Variants in PTPRZ1 observed in about 807,000 individuals in gnomAD.
PTPRZ1 encodes protein tyrosine phosphatase receptor type Z1, also known as receptor-type tyrosine-protein phosphatase zeta.
A neutral mutation model predicts 214.1 loss-of-function variants in PTPRZ1; 82 were observed. That is an observed-to-expected ratio of 0.38 (90% CI 0.32 to 0.46). The LOEUF (loss-of-function observed/expected upper bound fraction) is 0.46. PTPRZ1 is among the 20% of genes least tolerant of loss of function. The probability of loss-of-function intolerance (pLI) is 1.00; values close to 1 mark genes in which losing one functional copy is unlikely to be tolerated. For synonymous variants in PTPRZ1, 945 were observed against 987.9 expected (o/e 0.96, Z 0.81); for missense variants, 2,603 against 2,748.7 (o/e 0.95, Z 1.19).
chr7:122,027,126 A>C (rs1273513988), intron 13 of PTPRZ1, among the ~76,000 whole-genome samples: 1 of 152,226 alleles, frequency 6.6e-6, no homozygotes, highest in Non-Finnish European at 1.5e-5. Flanking sequence ...CTTAGCTGTC[A>C]TGATCAGGGG....
At chr7:121,969,915 T>C (rs921261321) in intron 3 of PTPRZ1, among the ~76,000 whole-genome samples, 1 of 151,170 alleles carries the variant, frequency 6.6e-6, no homozygotes, top group African/African-American at 2.4e-5. Context: ...ACTTGTCATT[T>C]ACATTAGGCA....
chr7:121,955,935 T>C (rs893953881), intron 2 of PTPRZ1, among the ~76,000 whole-genome samples: 1 of 152,198 alleles, frequency 6.6e-6, no homozygotes, highest in African/African-American at 2.4e-5. Context: ...ACTATCACTC[T>C]ATCATCTTAT....
rs1210827097 is a variant in PTPRZ1, at chr7:121,988,512, A to G, written c.928+4395A>G. Reference sequence around the variant, plus strand: ...TTCTGATTCCTCTTTCTTCTGAACCATCATAATCCCTGACCTGCAGCTGTG... The same window carrying G: ...TTCTGATTCCTCTTTCTTCTGAACCGTCATAATCCCTGACCTGCAGCTGTG... On this transcript the variant is annotated intron_variant, in intron 8 of 29. Transcript: ENST00000393386. Among the ~76,000 whole-genome samples, 7 of 152,172 alleles carry G rather than the reference A, an allele frequency of 4.6e-5. No homozygotes were observed. The South Asian group carries it at 1.2e-3, about 27-fold the overall frequency.
At chr7:121,993,923 T>C (rs986113760) in intron 8 of PTPRZ1, among the ~76,000 whole-genome samples, 8 of 152,168 alleles carry the variant, frequency 5.3e-5, no homozygotes. Flanking sequence ...AGCATACAAC[T>C]ATATTGTTGA....
At chr7:121,957,753 T>G (rs1796751757) in intron 2 of PTPRZ1, among the ~76,000 whole-genome samples, 1 of 152,224 alleles carries the variant, frequency 6.6e-6, no homozygotes. Context: ...GTGCTGAGAC[T>G]GAGCTCATGT....
chr7:121,885,156 T>C (rs1245264110), intron 1 of PTPRZ1, among the ~76,000 whole-genome samples: 1 of 152,204 alleles, frequency 6.6e-6, no homozygotes. Context: ...GGAAAAGATA[T>C]AAGCAAAATG....
In PTPRZ1 at chr7:122,011,249, C is replaced by A. The variant is rs1159356559; in HGVS notation, c.2203C>A (p.Gln735Lys). 5 of 1,613,906 alleles carry A rather than the reference C, an allele frequency of 3.1e-6. No homozygotes were observed. The African/African-American group carries it at 6.7e-5, about 22-fold the overall frequency. The change falls in exon 12 of 30, where the codon CAG (glutamine) becomes AAG (lysine). Residue 735 changes from glutamine (Q) to lysine (K), a missense_variant. Physicochemically the swap from Gln to Lys is moderately conservative, Grantham distance 53 (BLOSUM62 1). Coordinates refer to ENST00000393386, the MANE Select transcript of PTPRZ1 (RefSeq NM_002851.3). ...TGCTTTTACCCCATCCTCCAGACAA[C>A]AGGATTTGGTCTCCACGGTCAACGT... is the stretch of plus-strand genomic sequence containing the variant. ...PHAFTPSSRQ[Q>K]DLVSTVNVVY...
intron 2 of PTPRZ1, among the ~76,000 whole-genome samples, chr7:121,946,414 A>T (rs1489886417): frequency 6.6e-6 from 1 of 152,118 alleles, no homozygotes; most frequent in Admixed American, 6.5e-5. Flanking sequence ...AATGTAAAAA[A>T]CTGGTTTACT....
intron 18 of PTPRZ1, among the ~76,000 whole-genome samples, 175 bp downstream of exon 18, chr7:122,036,857 A>G (rs963130327): frequency 8.5e-5 from 13 of 152,244 alleles, no homozygotes; most frequent in African/African-American, 2.9e-4. Context: ...AAAAATTTTC[A>G]TATTAAATGA....
intron 2 of PTPRZ1, among the ~76,000 whole-genome samples, chr7:121,954,968 G>A (rs1796660292): frequency 6.6e-6 from 1 of 152,214 alleles, no homozygotes; most frequent in Non-Finnish European, 1.5e-5. Context: ...ATACAGAAAG[G>A]AGGAACCGAT....
chr7:121,889,721 T>C (rs1282615185), intron 1 of PTPRZ1, among the ~76,000 whole-genome samples: 2 of 152,064 alleles, frequency 1.3e-5, no homozygotes, highest in Non-Finnish European at 2.9e-5. Flanking sequence ...GCTCCTGAAC[T>C]CAGTTTAAAA....
At chr7:121,970,066 C>T (rs1797189214) in intron 3 of PTPRZ1, among the ~76,000 whole-genome samples, 1 of 150,728 alleles carries the variant, frequency 6.6e-6, no homozygotes, top group Non-Finnish European at 1.5e-5. Flanking sequence ...GTTTTTTGTC[C>T]TTGCGATAGT....
At chr7:121,969,865 A>G (rs187162296) in intron 3 of PTPRZ1, among the ~76,000 whole-genome samples, 17 of 151,686 alleles carry the variant, frequency 1.1e-4, no homozygotes, top group Admixed American at 1.1e-3. Context: ...GGTTTGTTAC[A>G]TATGTATACA....
chr7:122,009,219 G>T lies in PTPRZ1; in HGVS notation c.1288-1115G>T, dbSNP rs180792003. 4.2e-4 allele frequency among the ~76,000 whole-genome samples: 64 copies of T among 152,000 alleles called. 1 individual carries two copies. The highest frequency in any genetic ancestry group is 8.4e-4 in the Non-Finnish European group (57 of 67,988). ...AATAATGAGGCAGCCATTAAGCTTG[G>T]AATCGTGTGTTTCATACAGTGCAGA... On this transcript the variant is annotated intron_variant, in intron 11 of 29. Transcript: ENST00000393386.
intron 1 of PTPRZ1, among the ~76,000 whole-genome samples, chr7:121,919,485 A>T (rs1013709819): frequency 2.6e-5 from 4 of 152,070 alleles, no homozygotes; most frequent in Non-Finnish European, 5.9e-5. Context: ...ACAAGTTTTA[A>T]ATGCTATATA....
At chr7:122,039,628 G>A (rs1799654550) in intron 20 of PTPRZ1, 40 bp downstream of exon 20, 1 of 1,601,364 alleles carries the variant, frequency 6.2e-7, no homozygotes, top group African/African-American at 1.3e-5. Context: ...AGTGAACAAT[G>A]CATTTGGTCA....
At chr7:122,050,991 T>C (rs1226938667) in intron 23 of PTPRZ1, among the ~76,000 whole-genome samples, 1 of 151,916 alleles carries the variant, frequency 6.6e-6, no homozygotes, top group Non-Finnish European at 1.5e-5. Context: ...AGCTGAGGAG[T>C]AGATAAACAG....
chr7:121,879,672 G>C (rs1466709546), intron 1 of PTPRZ1, among the ~76,000 whole-genome samples: 1 of 152,144 alleles, frequency 6.6e-6, no homozygotes, highest in Non-Finnish European at 1.5e-5. Context: ...TGGGACATGG[G>C]ATCAGTTAAA....
At chr7:121,953,267 T>G (rs1352135221) in intron 2 of PTPRZ1, among the ~76,000 whole-genome samples, 1 of 152,334 alleles carries the variant, frequency 6.6e-6, no homozygotes, top group East Asian at 1.9e-4. Flanking sequence ...TTGTTACAAA[T>G]TGCTTGTGAA....
Sources: gnomAD v4.1 joint callset for allele counts (sites outside exome capture counted in the v4.1 genomes callset) on GRCh38, gnomAD v4.1.1 for gene constraint, MANE v1.5 for transcripts, NCBI Gene and HGNC (gene_info 2026-07-23, HGNC 2026-07-21) for gene names.